Variants in GLIS3 observed in about 807,000 individuals in gnomAD.
GLIS3 encodes zinc finger protein GLIS3.
A neutral mutation model predicts 78.6 loss-of-function variants in GLIS3; 53 were observed. The observed-to-expected ratio is 0.67, with a 90% confidence interval of 0.54 to 0.85. GLIS3 has a LOEUF of 0.85. GLIS3 is among the 40% of genes least tolerant of loss of function. The pLI is 0.00. For missense variants in GLIS3, 1,703 were observed against 1,231.1 expected, an observed-to-expected ratio of 1.38 and a Z score of -5.74; for synonymous variants, 684 against 509.9, an observed-to-expected ratio of 1.34 and a Z score of -4.60.
At chr9:4,177,935 T>A (rs568051160) in intron 2 of GLIS3, among the ~76,000 whole-genome samples, 1 of 152,340 alleles carries the variant, frequency 6.6e-6, no homozygotes, top group East Asian at 1.9e-4. Context: ...CTGGATGAGA[T>A]GAATCCACAT....
At chr9:4,190,773 C>T (rs919833537) in intron 2 of GLIS3, among the ~76,000 whole-genome samples, 7 of 152,122 alleles carry the variant, frequency 4.6e-5, no homozygotes, top group African/African-American at 1.7e-4. Context: ...ATGTTAAGGG[C>T]AGCCAGAGAG....
the GLIS3 span, among the ~76,000 whole-genome samples, chr9:4,387,118 C>T: frequency 1.3e-5 from 2 of 152,078 alleles, no homozygotes; most frequent in East Asian, 1.9e-4. Context: ...CTTCAGGGAG[C>T]GGATACCTAC....
At chr9:4,201,872 A>T (rs569437881) in intron 2 of GLIS3, among the ~76,000 whole-genome samples, 1 of 152,298 alleles carries the variant, frequency 6.6e-6, no homozygotes, top group South Asian at 2.1e-4. Flanking sequence ...ATGGTAGCTC[A>T]TGCCTGTAAT....
At chr9:4,075,642 C>T (rs540302914) in intron 4 of GLIS3, among the ~76,000 whole-genome samples, 2 of 151,884 alleles carry the variant, frequency 1.3e-5, no homozygotes, top group South Asian at 2.1e-4. Context: ...GACATAGGTG[C>T]TAAAAAGAGT....
At chr9:4,290,400 T>A (rs904060737) in intron 1 of GLIS3, among the ~76,000 whole-genome samples, 1 of 152,156 alleles carries the variant, frequency 6.6e-6, no homozygotes, top group Non-Finnish European at 1.5e-5. Context: ...TCCTTTTTAT[T>A]TTTTCCCTTT....
chr9:4,022,636 G>A (rs573705633), intron 4 of GLIS3, among the ~76,000 whole-genome samples: 6 of 152,106 alleles, frequency 3.9e-5, no homozygotes, highest in Non-Finnish European at 7.4e-5. Context: ...AGTGTTCATG[G>A]ACTTCTTATT....
intron 4 of GLIS3, among the ~76,000 whole-genome samples, chr9:4,095,492 T>C (rs1053891451): frequency 2.0e-5 from 3 of 152,162 alleles, no homozygotes; most frequent in Admixed American, 2.0e-4. Flanking sequence ...GTTGCAGAAG[T>C]GGCTGCTATG....
chr9:3,944,706 T>C (rs1210141484), intron 4 of GLIS3, among the ~76,000 whole-genome samples: 1 of 152,254 alleles, frequency 6.6e-6, no homozygotes, highest in Non-Finnish European at 1.5e-5. Flanking sequence ...CAAATATGTT[T>C]TATGGCTATG....
rs760231980 is a variant in GLIS3 at position 3,879,403 on chromosome 9, GGA to G, written c.2297+22_2297+23del. The G allele has an allele frequency of 8.7e-6, 14 of 1,612,144 alleles. No homozygotes were observed. In the South Asian group the frequency reaches 1.1e-4, roughly 13 times the overall value. ...GGAGGTTTGGCGGCGACACCTATTA[GGA>G]GAGAGAGACAGATGGCCTTACCTCT... is the stretch of plus-strand genomic sequence containing the variant. On this transcript the variant is annotated intron_variant, in intron 8 of 10. Coordinates refer to ENST00000381971, the MANE Select transcript of GLIS3 (RefSeq NM_001042413.2).
chr9:4,148,289 C>A (rs1268980537), intron 2 of GLIS3, among the ~76,000 whole-genome samples: 1 of 152,088 alleles, frequency 6.6e-6, no homozygotes, highest in Non-Finnish European at 1.5e-5. Context: ...TTGATTTCAG[C>A]CTGAATTCAC....
intron 7 of GLIS3, among the ~76,000 whole-genome samples, chr9:3,890,370 T>C (rs1470680604): frequency 6.6e-6 from 1 of 152,150 alleles, no homozygotes; most frequent in East Asian, 1.9e-4. Flanking sequence ...AGGAACGCTT[T>C]ATGTCAGCAC....
chr9:3,850,717 T>A (rs1165547591), intron 9 of GLIS3, among the ~76,000 whole-genome samples: 1 of 152,210 alleles, frequency 6.6e-6, no homozygotes, highest in African/African-American at 2.4e-5. Context: ...GCTGGCCTTG[T>A]GAGTTCTCCA....
intron 2 of GLIS3, among the ~76,000 whole-genome samples, chr9:4,270,498 T>C (rs999279722): frequency 6.6e-6 from 1 of 152,152 alleles, no homozygotes; most frequent in African/African-American, 2.4e-5. Flanking sequence ...CGGGGAAGCA[T>C]CTGCTTCCAG....
At chr9:4,396,765 AG>A in the GLIS3 span, among the ~76,000 whole-genome samples, 1 of 152,198 alleles carries the variant, frequency 6.6e-6, no homozygotes, top group South Asian at 2.1e-4. Flanking sequence ...ATACCTCGTT[AG>A]TCCTTTCATG....
chr9:4,238,339 T>G (rs193212785), intron 2 of GLIS3, among the ~76,000 whole-genome samples: 1,724 of 152,260 alleles, frequency 0.011, 53 homozygotes, highest in Admixed American at 0.066. Context: ...AATTGTTGTT[T>G]TGGTGGAGAG....
chr9:3,896,670 T>TAATTAAAAAAAAAGAAAAAAAAAA (rs756694471), intron 7 of GLIS3, among the ~76,000 whole-genome samples: 1 of 49,982 alleles, frequency 2.0e-5, no homozygotes, highest in African/African-American at 8.3e-5. Context: ...CCATCTCAAT[T>TAATTAAAAAAAAAGAAAAAAAAAA]AAAAAAAAAA....
At chr9:4,288,305 C>T (rs117016809) in intron 1 of GLIS3, among the ~76,000 whole-genome samples, 2 of 152,166 alleles carry the variant, frequency 1.3e-5, no homozygotes, top group South Asian at 2.1e-4. Flanking sequence ...GAAGAAAGCA[C>T]GTATTCAGCA....
At chr9:3,879,739 G>A (rs1821604182) in intron 7 of GLIS3, 144 bp from the exon 8 acceptor site, 5 of 829,674 alleles carry the variant, frequency 6.0e-6, no homozygotes, top group South Asian at 1.7e-5. Flanking sequence ...TCCCCTTCTT[G>A]GGTACACACA....
At chr9:4,168,948 A>C (rs1816124949) in intron 2 of GLIS3, among the ~76,000 whole-genome samples, 1 of 152,232 alleles carries the variant, frequency 6.6e-6, no homozygotes. Context: ...AGCAATGTAG[A>C]AAAAATATGA....
Sources: allele counts gnomAD v4.1 joint callset (sites outside exome capture counted in the v4.1 genomes callset), GRCh38; gene constraint gnomAD v4.1.1; transcripts MANE v1.5; gene names NCBI Gene and HGNC (gene_info 2026-07-23, HGNC 2026-07-21).